The following PRKCH variants were observed in gnomAD, a reference collection of about 807,000 sequenced individuals.
PRKCH encodes protein kinase C eta type.
PRKCH carries 28 observed loss-of-function variants against 82.5 expected under a neutral mutation model. The observed-to-expected ratio is 0.34, with a 90% CI of 0.25 to 0.47. PRKCH has a LOEUF of 0.47. Among genes scored for constraint, PRKCH ranks in the 20% least tolerant of loss-of-function variants. The pLI, the probability that PRKCH is intolerant of heterozygous loss-of-function variation, is 1.00. For missense variants in PRKCH, 705 were observed against 881.8 expected (o/e 0.80, Z 2.54); for synonymous variants, 322 against 327.4 (o/e 0.98, Z 0.18).
At chr14:61,541,418 T>A (rs2043183481) in intron 12 of PRKCH, among the ~76,000 whole-genome samples, 1 of 152,238 alleles carries the variant, frequency 6.6e-6, no homozygotes, top group Non-Finnish European at 1.5e-5. Context: ...CAGGACCCTC[T>A]CTAGAGCCAT....
chr14:61,274,961 T>C (rs970379395), intron 1 of PRKCH, among the ~76,000 whole-genome samples: 3 of 152,190 alleles, frequency 2.0e-5, no homozygotes, highest in African/African-American at 4.8e-5. Flanking sequence ...GCAAACTACA[T>C]TGAAATAACA....
chr14:61,237,157 C>A lies in PRKCH; in HGVS notation c.-19+49489C>A, dbSNP rs149864686. 4.3e-3 allele frequency among the ~76,000 whole-genome samples: 652 copies of A among 151,078 alleles called. 4 individuals are homozygous for A. Among genetic ancestry groups the A allele is most frequent in the African/African-American group, 0.015 (621 of 41,064 alleles). On this transcript the variant is annotated intron_variant, in intron 1 of 3. Coordinates refer to the PRKCH transcript ENST00000555185. ...ACAAGGGAGGCTGAGGCAGAAGAAT[C>A]GCTTGAACCCAGGAGGTGGAAGTTG... is the stretch of plus-strand genomic sequence containing the variant.
intron 1 of PRKCH, among the ~76,000 whole-genome samples, chr14:61,352,684 GGAAAGGAAA>G (rs1331552107): frequency 1.0e-5 from 1 of 97,560 alleles, no homozygotes; most frequent in African/African-American, 4.1e-5. Context: ...GAGAGAGAAA[GGAAAGGAAA>G]GAAAGAAAGA....
chr14:61,368,282 G>C (rs1339715341), intron 1 of PRKCH, among the ~76,000 whole-genome samples: 1 of 151,568 alleles, frequency 6.6e-6, no homozygotes, highest in East Asian at 1.9e-4. Context: ...CCTCTTCTCT[G>C]GCTATTACCA....
Position 61,280,638 on chromosome 14 carries a change from G to T in PRKCH, c.-19+92970G>T. ...GGTGCCAAAGCGAGAAGGAGTCGTT[G>T]AAGAGGCTGTTGGCGATGGCGCCGC... is the stretch of plus-strand genomic sequence containing the variant. On this transcript the variant is annotated intron_variant, in intron 1 of 3. Coordinates refer to the PRKCH transcript ENST00000555185. The surrounding 1 kb of genome is among the most constrained non-coding windows in gnomAD (Gnocchi z 5.0). The T allele has an allele frequency of 1.9e-6, 3 of 1,574,500 alleles. No individual in the cohort carries two copies. The highest frequency in any genetic ancestry group is 1.7e-6 in the Non-Finnish European group (2 of 1,160,610).
intron 12 of PRKCH, among the ~76,000 whole-genome samples, chr14:61,534,014 C>A (rs1027596867): frequency 6.6e-6 from 1 of 152,134 alleles, no homozygotes; most frequent in Admixed American, 6.5e-5. Flanking sequence ...CTTCCAACCC[C>A]CTCGTTTTAT....
chr14:61,530,638 C>A, intron 12 of PRKCH, 43 bp downstream of exon 12: 1 of 1,531,396 alleles, frequency 6.5e-7, no homozygotes, highest in South Asian at 1.3e-5. Context: ...TATTGCAAAC[C>A]AGCTTGTTTC....
intron 9 of PRKCH, among the ~76,000 whole-genome samples, chr14:61,460,354 T>C (rs1461883704): frequency 2.6e-5 from 4 of 152,190 alleles, no homozygotes; most frequent in Non-Finnish European, 4.4e-5. Context: ...CCTTGTACTT[T>C]TGTCTTTGTG....
intron 2 of PRKCH, among the ~76,000 whole-genome samples, chr14:61,394,473 A>C (rs897810641): frequency 6.6e-6 from 1 of 152,232 alleles, no homozygotes; most frequent in Non-Finnish European, 1.5e-5. Flanking sequence ...GTAGAAAGAA[A>C]CACAACAGTG....
intron 7 of PRKCH, among the ~76,000 whole-genome samples, chr14:61,455,591 G>A (rs1321205039): frequency 6.6e-6 from 1 of 152,184 alleles, no homozygotes; most frequent in Non-Finnish European, 1.5e-5. Flanking sequence ...TCCCTGAAGA[G>A]CAGAGATTAA....
intron 1 of PRKCH, among the ~76,000 whole-genome samples, chr14:61,266,732 T>C (rs1156416153): frequency 1.3e-5 from 2 of 152,246 alleles, no homozygotes; most frequent in Admixed American, 6.5e-5. Context: ...CTGGTTCATC[T>C]ATATGCTGCT....
chr14:61,335,026 A>G (rs767964209), intron 1 of PRKCH, among the ~76,000 whole-genome samples: 3 of 152,058 alleles, frequency 2.0e-5, no homozygotes, highest in African/African-American at 7.2e-5. Flanking sequence ...TTAATCTTTA[A>G]CAAAATTATT....
chr14:61,237,596 C>T (rs529924345), intron 1 of PRKCH, among the ~76,000 whole-genome samples: 15 of 152,204 alleles, frequency 9.9e-5, no homozygotes, highest in Non-Finnish European at 2.2e-4. Flanking sequence ...TTAACCCAGA[C>T]GCTCCTTTCT....
intron 1 of PRKCH, among the ~76,000 whole-genome samples, chr14:61,212,118 C>A (rs779329387): frequency 5.3e-5 from 8 of 152,182 alleles, no homozygotes; most frequent in Non-Finnish European, 7.4e-5. Flanking sequence ...CTGCTGTGGT[C>A]TAGCAAGCCT....
intron 5 of PRKCH, among the ~76,000 whole-genome samples, chr14:61,449,670 T>C (rs539522356): frequency 6.6e-6 from 1 of 152,340 alleles, no homozygotes; most frequent in East Asian, 1.9e-4. Context: ...CTCTATGAGC[T>C]GCGGCAAGGC....
intron 2 of PRKCH, among the ~76,000 whole-genome samples, chr14:61,439,289 A>G (rs1166436977): frequency 2.0e-5 from 3 of 152,180 alleles, no homozygotes; most frequent in Admixed American, 1.3e-4. Context: ...GTCTGTAGGC[A>G]AGTGAAGAGC....
chr14:61,320,862 A>AT (rs2045609392), upstream of PRKCH, among the ~76,000 whole-genome samples: 1 of 152,108 alleles, frequency 6.6e-6, no homozygotes, highest in South Asian at 2.1e-4. Context: ...GTGTGTGAAC[A>AT]TTTTCTGCCC....
At chr14:61,360,507 AAAAAAAG>A (rs891570908) in intron 1 of PRKCH, among the ~76,000 whole-genome samples, 88 of 152,296 alleles carry the variant, frequency 5.8e-4, no homozygotes, top group African/African-American at 1.8e-3. Flanking sequence ...TCCATCTCAA[AAAAAAAG>A]AAAAAAGAAA....
intron 1 of PRKCH, among the ~76,000 whole-genome samples, chr14:61,231,619 A>G (rs550042880): frequency 3.3e-5 from 5 of 152,048 alleles, no homozygotes; most frequent in East Asian, 1.9e-4. Flanking sequence ...TGATCCGCCC[A>G]CCTCGGCCTC....
Sources: allele counts gnomAD v4.1 joint callset (sites outside exome capture counted in the v4.1 genomes callset), GRCh38; gene constraint gnomAD v4.1.1; non-coding constraint Gnocchi (gnomAD v3.1); transcripts MANE v1.5; gene names NCBI Gene and HGNC (gene_info 2026-07-23, HGNC 2026-07-21).